Variants in OR51B5 observed in about 807,000 individuals in gnomAD.
OR51B5 encodes olfactory receptor 51B5.
For synonymous variants in OR51B5, 186 were observed against 144.8 expected, an observed-to-expected ratio of 1.28 and a Z score of -2.04; for missense variants, 456 against 374.6, an observed-to-expected ratio of 1.22 and a Z score of -1.79.
chr11:5,424,039 T>TA (rs1589989427), intron 1 of OR51B5, among the ~76,000 whole-genome samples: 1 of 152,174 alleles, frequency 6.6e-6, no homozygotes, highest in Non-Finnish European at 1.5e-5. Context: ...TTAAGGATCA[T>TA]AAAAAATATT....
At chr11:5,484,069 A>C (rs1851466188) in intron 1 of OR51B5, among the ~76,000 whole-genome samples, 1 of 151,996 alleles carries the variant, frequency 6.6e-6, no homozygotes, top group African/African-American at 2.4e-5. Flanking sequence ...CCTCATACAC[A>C]CACCTTTACA....
intron 1 of OR51B5, among the ~76,000 whole-genome samples, chr11:5,399,698 T>A (rs1216134752): frequency 4.0e-5 from 6 of 151,004 alleles, no homozygotes; most frequent in Non-Finnish European, 2.9e-5. Flanking sequence ...TGTTTTAAGA[T>A]CTCTTTCAAG....
chr11:5,476,020 A>T (rs1229779037), intron 1 of OR51B5, among the ~76,000 whole-genome samples: 1 of 152,178 alleles, frequency 6.6e-6, no homozygotes, highest in African/African-American at 2.4e-5. Flanking sequence ...CCCTCTCTTC[A>T]TGCCTCACAT....
At chr11:5,485,130 G>A (rs1329493788) in intron 1 of OR51B5, among the ~76,000 whole-genome samples, 1 of 152,122 alleles carries the variant, frequency 6.6e-6, no homozygotes, top group East Asian at 1.9e-4. Context: ...CTCCACCAAA[G>A]GTGATGGAAG....
chr11:5,374,278 G>C (rs7125099), intron 1 of OR51B5, among the ~76,000 whole-genome samples: 40,521 of 151,768 alleles, frequency 0.27, 5,648 homozygotes, highest in African/African-American at 0.32. Context: ...GGTCCTGTCT[G>C]TTAGAAGGAA....
intron 1 of OR51B5, among the ~76,000 whole-genome samples, chr11:5,434,279 C>A (rs1251113442): frequency 6.6e-6 from 1 of 152,176 alleles, no homozygotes; most frequent in Non-Finnish European, 1.5e-5. Flanking sequence ...AATTTGCAAG[C>A]TCTCCCTGTC....
chr11:5,431,263 G>A (rs961929760), intron 1 of OR51B5: 5 of 323,526 alleles, frequency 1.5e-5, no homozygotes, highest in African/African-American at 4.3e-5. Flanking sequence ...TAGGACCCCT[G>A]ACTCCATGCA....
At position 5,428,934 on chromosome 11, in the gene OR51B5, C is replaced by T. The variant is rs146827061; in HGVS notation, n.84+76635G>A. 1.1e-4 allele frequency among the ~76,000 whole-genome samples: 17 copies of T among 152,298 alleles called. No individual in the cohort carries two copies. The East Asian group carries it at 2.1e-3, about 19-fold the overall frequency. On this transcript the variant is annotated intron_variant and non_coding_transcript_variant, in intron 1 of 4. Transcript: ENST00000415970. ...TAGTTTTTACTGTCCCTTACTGCTT[C>T]AAAGTGATGTGGCCAGAGGTCACAA...
Position 5,428,444 on chromosome 11 carries a change from G to A in OR51B5, n.84+77125C>T, listed in dbSNP as rs567830017. 2.6e-5 allele frequency among the ~76,000 whole-genome samples: 4 copies of A among 152,244 alleles called. No homozygotes were observed. In the South Asian group the frequency reaches 6.2e-4, roughly 24 times the overall value. ...GAGCATATGCTGCTGAAAAGATGGC[G>A]CAGATAGACTTGCTCAACATAGGGT... On this transcript the variant is annotated intron_variant and non_coding_transcript_variant, in intron 1 of 4. Coordinates refer to the OR51B5 transcript ENST00000415970.
chr11:5,351,712 C>G, intron 1 of OR51B5: 1 of 1,613,952 alleles, frequency 6.2e-7, no homozygotes, highest in Non-Finnish European at 8.5e-7. Flanking sequence ...AGCTACAGAC[C>G]TCGGAGTGAC....
Position 5,412,186 on chromosome 11 carries a change from T to C in OR51B5, n.85-65276A>G, listed in dbSNP as rs1850158605. Among the ~76,000 whole-genome samples, 2 of 152,220 alleles carry C rather than the reference T, an allele frequency of 1.3e-5. 1 individual carries two copies. Among genetic ancestry groups the C allele is most frequent in the South Asian group, 4.1e-4 (2 of 4,838 alleles). ...ATCTTTACAGATATGGTAGTCCTTC[T>C]GATATGCAAATCATTTGCCAGAATA... On this transcript the variant is annotated intron_variant and non_coding_transcript_variant, in intron 1 of 4. Coordinates refer to the OR51B5 transcript ENST00000415970.
chr11:5,407,344 C>T (rs923907690), intron 1 of OR51B5, among the ~76,000 whole-genome samples: 1 of 152,128 alleles, frequency 6.6e-6, no homozygotes, highest in Non-Finnish European at 1.5e-5. Context: ...CATTGAGTTC[C>T]ACATGGTATC....
chr11:5,488,832 G>A, intron 1 of OR51B5: 1 of 1,614,028 alleles, frequency 6.2e-7, no homozygotes, highest in Non-Finnish European at 8.5e-7. Context: ...TTGTAGCACT[G>A]GTTGGAAATG....
At chr11:5,429,513 C>G (rs552489202) in intron 1 of OR51B5, among the ~76,000 whole-genome samples, 20 of 152,260 alleles carry the variant, frequency 1.3e-4, no homozygotes, top group African/African-American at 4.6e-4. Context: ...AATCACTGAT[C>G]AATCAGCACA....
chr11:5,489,562 C>T (rs1271411363), intron 1 of OR51B5: 2 of 1,613,900 alleles, frequency 1.2e-6, no homozygotes, highest in Non-Finnish European at 1.7e-6. Flanking sequence ...TCTCTATGTG[C>T]TGGTGCCTCC....
At chr11:5,435,920 T>C (rs1247720153) in intron 1 of OR51B5, among the ~76,000 whole-genome samples, 1 of 152,230 alleles carries the variant, frequency 6.6e-6, no homozygotes, top group African/African-American at 2.4e-5. Flanking sequence ...CTGTCAGATT[T>C]TGAGCTCTTT....
intron 1 of OR51B5, chr11:5,489,735 A>C: frequency 2.0e-6 from 2 of 1,012,668 alleles, no homozygotes; most frequent in South Asian, 3.0e-5. Context: ...ATGGACACAC[A>C]GTGATGATGT....
At chr11:5,489,401 C>T (rs1041037823) in intron 1 of OR51B5, 2 of 1,613,804 alleles carry the variant, frequency 1.2e-6, no homozygotes, top group Non-Finnish European at 8.5e-7. Context: ...TTTCATCTTC[C>T]ATCTCATGAT....
chr11:5,491,932 G>T (rs904752326), intron 1 of OR51B5, among the ~76,000 whole-genome samples: 1 of 152,146 alleles, frequency 6.6e-6, no homozygotes, highest in African/African-American at 2.4e-5. Flanking sequence ...GCCTTAAACA[G>T]TCCTTCTCCT....
Sources: allele counts gnomAD v4.1 joint callset (sites outside exome capture counted in the v4.1 genomes callset), GRCh38; gene constraint gnomAD v4.1.1; transcripts MANE v1.5; gene names NCBI Gene and HGNC (gene_info 2026-07-23, HGNC 2026-07-21).